Variants in FAM228B observed in about 807,000 individuals in gnomAD.
The protein encoded by FAM228B is protein FAM228B.
A neutral mutation model predicts 42.6 loss-of-function variants in FAM228B; 38 were observed. The observed-to-expected ratio is 0.89, with a 90% CI of 0.69 to 1.17. FAM228B has a LOEUF of 1.17. FAM228B is among the 50% of genes most tolerant of loss of function. The probability of loss-of-function intolerance (pLI) is 0.00; values close to 1 mark genes in which losing one functional copy is unlikely to be tolerated. For synonymous variants in FAM228B, 109 were observed against 122.3 expected, an observed-to-expected ratio of 0.89 and a Z score of 0.72; for missense variants, 344 against 367.3, an observed-to-expected ratio of 0.94 and a Z score of 0.52.
At chr2:24,097,984 C>A (rs1665535087) in intron 3 of FAM228B, among the ~76,000 whole-genome samples, 1 of 152,212 alleles carries the variant, frequency 6.6e-6, no homozygotes, top group Admixed American at 6.5e-5. Context: ...GAAACTCACT[C>A]AAATCCACAC....
chr2:24,152,382 T>C (rs1257768175), intron 7 of FAM228B, among the ~76,000 whole-genome samples: 2 of 152,238 alleles, frequency 1.3e-5, no homozygotes, highest in Admixed American at 6.5e-5. Flanking sequence ...ATGGTGTTGA[T>C]GCTTATAGAT....
intron 1 of FAM228B, among the ~76,000 whole-genome samples, chr2:24,079,882 C>T (rs1664923842): frequency 6.6e-6 from 1 of 152,202 alleles, no homozygotes; most frequent in African/African-American, 2.4e-5. Flanking sequence ...GCACCATGAC[C>T]TAGCGTCTCC....
At chr2:24,152,386 T>C (rs1347421300) in intron 7 of FAM228B, among the ~76,000 whole-genome samples, 1 of 152,216 alleles carries the variant, frequency 6.6e-6, no homozygotes, top group Admixed American at 6.5e-5. Context: ...TGTTGATGCT[T>C]ATAGATATTC....
intron 1 of FAM228B, chr2:24,079,555 C>A: frequency 6.2e-7 from 1 of 1,614,060 alleles, no homozygotes; most frequent in Non-Finnish European, 8.5e-7. Context: ...CATAGAGAAC[C>A]CATCGACCAT....
intron 2 of FAM228B, among the ~76,000 whole-genome samples, chr2:24,089,760 A>C (rs1223786478): frequency 6.6e-6 from 1 of 152,140 alleles, no homozygotes; most frequent in African/African-American, 2.4e-5. Flanking sequence ...GGGATAGTTT[A>C]TTTTTGCAGC....
In FAM228B at chr2:24,147,086, G is replaced by A. The variant is rs756994467; in HGVS notation, c.686G>A (p.Arg229Lys). The A allele has an allele frequency of 6.5e-7, 1 of 1,547,404 alleles. No homozygotes were observed. Among genetic ancestry groups the A allele is most frequent in the South Asian group, 1.2e-5 (1 of 83,686 alleles). Residue 229 changes from arginine (R) to lysine (K), a missense_variant and splice_region_variant, in exon 7 of 11, where the codon AGG (arginine) becomes AAG (lysine). By Grantham distance (26) the Arg-to-Lys change is conservative. Coordinates refer to ENST00000615575, the MANE Select transcript of FAM228B (RefSeq NM_001145710.2). The stretch of plus-strand genomic sequence containing the variant: ...GAAAGTGAATTTTGTAGAAGGAGAA[G>A]GTAATGGTTAATATACTAGAAATTA... ...YIESEFCRRR[R>K]LKVKVNFNDC...
chr2:24,167,541 C>T lies in FAM228B; in HGVS notation c.933-86C>T, dbSNP rs982015741. The T allele has an allele frequency of 2.6e-6, 4 of 1,515,284 alleles. No homozygotes were observed. In the Admixed American group the frequency reaches 5.9e-5, roughly 22 times the overall value. The allele number at this position is 1,515,284 out of a possible 1,614,324, so 93.9% of individuals were successfully genotyped here. On this transcript the variant is annotated intron_variant, in intron 9 of 10. Coordinates refer to ENST00000615575, the MANE Select transcript of FAM228B (RefSeq NM_001145710.2). Reference sequence around the variant, plus strand: ...CTGGGCATTCTCAGATAATAAACAGCCTCTGGTTATGAAGACAGTCTGTTC... The same window carrying T: ...CTGGGCATTCTCAGATAATAAACAGTCTCTGGTTATGAAGACAGTCTGTTC...
chr2:24,081,613 G>A (rs1050906478), intron 2 of FAM228B, among the ~76,000 whole-genome samples: 1 of 151,940 alleles, frequency 6.6e-6, no homozygotes, highest in African/African-American at 2.4e-5. Context: ...CCATGATCTG[G>A]CTCCAGCCTC....
At chr2:24,166,053 A>AG in intron 9 of FAM228B, 1 of 104,762 alleles carries the variant, frequency 9.5e-6, no homozygotes, top group East Asian at 2.5e-4. Flanking sequence ...AAAAAAAAAA[A>AG]AATATATATA....
intron 7 of FAM228B, among the ~76,000 whole-genome samples, chr2:24,151,868 T>G (rs1162222106): frequency 6.6e-6 from 1 of 151,798 alleles, no homozygotes; most frequent in Non-Finnish European, 1.5e-5. Flanking sequence ...ATTTTTATTT[T>G]TATTTATTTA....
chr2:24,079,576 G>C lies in FAM228B; in HGVS notation c.-289-1300G>C. 3 of 1,614,094 alleles carry C rather than the reference G, an allele frequency of 1.9e-6. No individual in the cohort carries two copies. The South Asian group carries it at 3.3e-5, about 18-fold the overall frequency. On this transcript the variant is annotated intron_variant, in intron 1 of 10. Coordinates refer to the FAM228B transcript ENST00000613899. ...GAACCCATCGACCATCAAGAGCCAG[G>C]CAGTTGACGTTCTTCTCCCAGTAGG...
intron 2 of FAM228B, among the ~76,000 whole-genome samples, chr2:24,081,491 C>A (rs1665000203): frequency 6.6e-6 from 1 of 152,156 alleles, no homozygotes; most frequent in Non-Finnish European, 1.5e-5. Context: ...ACACAGCCAC[C>A]AGGCTCCTCT....
At position 24,081,092 on chromosome 2, in the gene FAM228B, C is replaced by T. The variant is rs992841485; in HGVS notation, c.-210+137C>T. On this transcript the variant is annotated intron_variant, in intron 2 of 10. Transcript: ENST00000613899. ...AACTGCTACACATTCCCCACACAGG[C>T]ATATTCTATCAAGATCACCTGGCCG... is the stretch of plus-strand genomic sequence containing the variant. The T allele has an allele frequency of 1.1e-5, 14 of 1,300,088 alleles. No individual in the cohort carries two copies. In the Admixed American group the frequency reaches 2.2e-4, roughly 21 times the overall value. The allele number at this position is 1,300,088 out of a possible 1,614,324, so 80.5% of individuals were successfully genotyped here.
At chr2:24,112,972 A>G (rs1165886638) in intron 3 of FAM228B, among the ~76,000 whole-genome samples, 1 of 152,000 alleles carries the variant, frequency 6.6e-6, no homozygotes, top group Non-Finnish European at 1.5e-5. Context: ...TTCAAATGCT[A>G]GTTTCAGGTT....
At chr2:24,079,012 G>T (rs1664880592) in intron 1 of FAM228B, 1 of 164,602 alleles carries the variant, frequency 6.1e-6, no homozygotes, top group Admixed American at 5.7e-5. Context: ...AGCCTTCCAA[G>T]TAGCTGGGAC....
At chr2:24,119,584 C>T (rs143760165), upstream of FAM228B, 524 of 1,613,256 alleles carry the variant, frequency 3.2e-4, 2 homozygotes, top group African/African-American at 6.3e-3. Context: ...TACCCAGGCT[C>T]TCTGTGGCTT....
intron 2 of FAM228B, chr2:24,082,878 T>C: frequency 6.3e-7 from 1 of 1,598,650 alleles, no homozygotes; most frequent in African/African-American, 1.3e-5. Context: ...CATGGAGGCC[T>C]CCTCACCCAC....
rs111696183 is a variant in FAM228B, at chr2:24,084,188, C to G, written c.-210+3233C>G. ...CCCCGGCGCGGCTGAGCCCTGGGTA[C>G]CTGCATTAAGTCCGCCCGGTTCAGG... On this transcript the variant is annotated intron_variant, in intron 2 of 10. Coordinates refer to the FAM228B transcript ENST00000613899. The surrounding 1 kb of genome is among the most constrained non-coding windows in gnomAD (Gnocchi z 8.4). 6.2e-7 allele frequency: 1 copy of G among 1,610,966 alleles called. No individual in the cohort carries two copies. The highest frequency in any genetic ancestry group is 2.2e-5 in the East Asian group (1 of 44,822).
upstream of FAM228B, among the ~76,000 whole-genome samples, chr2:24,121,935 A>G (rs1666131414): frequency 6.6e-6 from 1 of 152,216 alleles, no homozygotes; most frequent in African/African-American, 2.4e-5. Flanking sequence ...TCTTTTCTTT[A>G]TAAATTACCC....
Sources: gnomAD v4.1 joint callset for allele counts (sites outside exome capture counted in the v4.1 genomes callset) on GRCh38, gnomAD v4.1.1 for gene constraint, Gnocchi (gnomAD v3.1) non-coding constraint, MANE v1.5 for transcripts, NCBI Gene and HGNC (gene_info 2026-07-23, HGNC 2026-07-21) for gene names.